Variants in KLHL26 observed in about 807,000 individuals in gnomAD.
KLHL26 encodes the protein kelch like family member 26.
Under a neutral mutation model 7.1 loss-of-function variants are expected in KLHL26, and 4 were observed. That is an observed-to-expected ratio of 0.56 (90% confidence interval 0.28 to 1.28). The LOEUF (loss-of-function observed/expected upper bound fraction) is 1.28. Ranked by LOEUF, KLHL26 falls within the 50% of genes most tolerant of loss-of-function variation. KLHL26 has a pLI of 0.11. For missense variants in KLHL26, 896 were observed against 924.6 expected (o/e 0.97, Z 0.40); for synonymous variants, 465 against 414.1 (o/e 1.12, Z -1.49).
Position 18,669,303 on chromosome 19 carries a change from C to A in KLHL26, c.*58C>A, listed in dbSNP as rs761914011. On this transcript the variant is annotated 3_prime_UTR_variant, in exon 3 of 3. Transcript: ENST00000300976. The stretch of plus-strand genomic sequence containing the variant: ...CATGTTGTCTCCAAGTGGGGCTTGG[C>A]GAATGCACGTCTGCCTGAGAACCCC... 8.7e-6 allele frequency: 12 copies of A among 1,386,896 alleles called. No homozygotes were observed. The African/African-American group carries it at 1.3e-4, about 15-fold the overall frequency. The allele number at this position is 1,386,896 out of a possible 1,614,324, so 85.9% of individuals were successfully genotyped here. A position where few individuals can be genotyped will look rare whatever the true frequency, so the allele number is the denominator to read the frequency against.
chr19:18,671,364 C>G lies in KLHL26; in HGVS notation c.*2119C>G, dbSNP rs978640034. ...AAAAGCCGAGTTCCCTGGGGACTTA[C>G]CAGAACATTCCAGCCCCACCCCCGA... On this transcript the variant is annotated 3_prime_UTR_variant, in exon 3 of 3. Coordinates refer to ENST00000300976, the MANE Select transcript of KLHL26 (RefSeq NM_018316.3). 1 of 152,276 alleles carries G rather than the reference C, an allele frequency of 6.6e-6. No homozygotes were observed. The highest frequency in any genetic ancestry group is 2.4e-5 in the African/African-American group (1 of 41,450). The allele number at this position is 152,276 out of a possible 1,614,324, so 9.4% of individuals were successfully genotyped here. A position where few individuals can be genotyped will look rare whatever the true frequency, so the allele number is the denominator to read the frequency against.
chr19:18,650,323 G>A lies in KLHL26; in HGVS notation c.83+13186G>A, dbSNP rs1261537305. On this transcript the variant is annotated intron_variant, in intron 1 of 2. Coordinates refer to ENST00000300976, the MANE Select transcript of KLHL26 (RefSeq NM_018316.3). The surrounding 1 kb of genome is among the most constrained non-coding windows in gnomAD (Gnocchi z 4.2). ...TCGTCTGAGAGCGGGACATTTTCCC[G>A]GAGCGGGGTGGAAGGAGTGTCAAGG... 3.9e-5 allele frequency among the ~76,000 whole-genome samples: 6 copies of A among 152,190 alleles called. No homozygotes were observed. The highest frequency in any genetic ancestry group is 1.3e-4 in the Admixed American group (2 of 15,274).
chr19:18,651,616 G>C (rs139213337), intron 1 of KLHL26, among the ~76,000 whole-genome samples: 141 of 152,394 alleles, frequency 9.3e-4, no homozygotes, highest in African/African-American at 3.2e-3. Flanking sequence ...TGGAGTGCCT[G>C]CATCTGGCCT....
chr19:18,665,435 G>C (rs192730791), intron 2 of KLHL26, among the ~76,000 whole-genome samples: 104 of 152,360 alleles, frequency 6.8e-4, no homozygotes, highest in African/African-American at 2.2e-3. Flanking sequence ...ACAGTGAAAT[G>C]GGCACAAGCC....
intron 1 of KLHL26, among the ~76,000 whole-genome samples, chr19:18,653,018 T>G (rs1011398866): frequency 6.6e-6 from 1 of 152,162 alleles, no homozygotes; most frequent in African/African-American, 2.4e-5. Context: ...CTTTGGCCAG[T>G]GCACAGGTGC....
chr19:18,644,943 G>A (rs760470361), intron 1 of KLHL26, among the ~76,000 whole-genome samples: 1 of 151,816 alleles, frequency 6.6e-6, no homozygotes, highest in South Asian at 2.1e-4. Flanking sequence ...CGCCCCCAAC[G>A]TTATATAACT....
chr19:18,655,401 C>T (rs992840710), intron 1 of KLHL26, among the ~76,000 whole-genome samples: 1 of 152,216 alleles, frequency 6.6e-6, no homozygotes, highest in Non-Finnish European at 1.5e-5. Context: ...GGGGAGAGGT[C>T]GACCAGCACC....
Position 18,669,395 on chromosome 19 carries a change from T to C in KLHL26, c.*150T>C. On this transcript the variant is annotated 3_prime_UTR_variant, in exon 3 of 3. Transcript: ENST00000300976. ...CGTTGATAAGCCCCCCTCCCAGGGG[T>C]CCCTCCCTCCCTCCTTCCCAAAGCA... The C allele has an allele frequency of 1.6e-6, 1 of 613,844 alleles. No homozygotes were observed. Among genetic ancestry groups the C allele is most frequent in the Non-Finnish European group, 2.9e-6 (1 of 350,150 alleles). The allele number at this position is 613,844 out of a possible 1,614,324, so 38.0% of individuals were successfully genotyped here. A position where few individuals can be genotyped will look rare whatever the true frequency, so the allele number is the denominator to read the frequency against.
At chr19:18,660,549 C>G (rs1046822046) in intron 1 of KLHL26, among the ~76,000 whole-genome samples, 1 of 152,212 alleles carries the variant, frequency 6.6e-6, no homozygotes, top group Non-Finnish European at 1.5e-5. Context: ...CTGGACCAGC[C>G]TGAGTAATGG....
In KLHL26 at chr19:18,646,128, T is replaced by C. The variant is rs570590499; in HGVS notation, c.83+8991T>C. Among the ~76,000 whole-genome samples, 14 of 152,172 alleles carry C rather than the reference T, an allele frequency of 9.2e-5. No homozygotes were observed. The highest frequency in any genetic ancestry group is 3.4e-4 in the African/African-American group (14 of 41,526). On this transcript the variant is annotated intron_variant, in intron 1 of 2. Coordinates refer to ENST00000300976, the MANE Select transcript of KLHL26 (RefSeq NM_018316.3). The surrounding 1 kb of genome is among the most constrained non-coding windows in gnomAD (Gnocchi z 5.0). ...TTTGGCCTCTTGCCCCTTTCTTTTT[T>C]ATTATTATTAATTTTTTTTGACGTC...
intron 1 of KLHL26, among the ~76,000 whole-genome samples, chr19:18,645,472 T>TG (rs1976785824): frequency 6.6e-6 from 1 of 151,004 alleles, no homozygotes; most frequent in African/African-American, 2.4e-5. Context: ...GGGGGTGAGG[T>TG]GGGGGGATCT....
chr19:18,659,080 TTC>T (rs2052365363), intron 1 of KLHL26, among the ~76,000 whole-genome samples: 1 of 151,320 alleles, frequency 6.6e-6, no homozygotes, highest in East Asian at 1.9e-4. Context: ...GAATCTGTTT[TTC>T]TCTCTCTGGG....
rs997282739 is a variant in KLHL26, at chr19:18,648,502, G to T, written c.83+11365G>T. ...GTGGCCAGTTTCTGCCCTCCCCACC[G>T]GGCAGGCTGAAGGTCAGGGTTGTCC... On this transcript the variant is annotated intron_variant, in intron 1 of 2. Transcript: ENST00000300976. This position sits in a 1 kb window ranked among gnomAD's most constrained non-coding sequence, Gnocchi z 4.9. Among the ~76,000 whole-genome samples the T allele has an allele frequency of 1.3e-5, 2 of 152,176 alleles. No individual in the cohort carries two copies. The highest frequency in any genetic ancestry group is 1.5e-5 in the Non-Finnish European group (1 of 68,040).
chr19:18,655,538 G>A (rs1205594700), intron 1 of KLHL26, among the ~76,000 whole-genome samples: 1 of 152,240 alleles, frequency 6.6e-6, no homozygotes, highest in African/African-American at 2.4e-5. Context: ...AAGATGGGAT[G>A]GTAGCAGTGC....
In KLHL26 at chr19:18,669,299, T is replaced by A; in HGVS notation, c.*54T>A. On this transcript the variant is annotated 3_prime_UTR_variant, in exon 3 of 3. Transcript: ENST00000300976. The stretch of plus-strand genomic sequence containing the variant: ...ACCGCATGTTGTCTCCAAGTGGGGC[T>A]TGGCGAATGCACGTCTGCCTGAGAA... 4 of 1,436,574 alleles carry A rather than the reference T, an allele frequency of 2.8e-6. No homozygotes were observed. Among genetic ancestry groups the A allele is most frequent in the Non-Finnish European group, 3.8e-6 (4 of 1,045,448 alleles). The allele number at this position is 1,436,574 out of a possible 1,614,324, so 89.0% of individuals were successfully genotyped here. A position where few individuals can be genotyped will look rare whatever the true frequency, so the allele number is the denominator to read the frequency against.
chr19:18,654,677 C>A (rs571201109), intron 1 of KLHL26, among the ~76,000 whole-genome samples: 2 of 152,108 alleles, frequency 1.3e-5, no homozygotes, highest in African/African-American at 4.8e-5. Context: ...ATCCACCTAT[C>A]CATCTACCCA....
At chr19:18,640,087 T>G (rs1976686739) in intron 1 of KLHL26, among the ~76,000 whole-genome samples, 1 of 151,504 alleles carries the variant, frequency 6.6e-6, no homozygotes, top group Non-Finnish European at 1.5e-5. Flanking sequence ...CATTAACTGG[T>G]TGATGGACTG....
chr19:18,639,087 A>T (rs959870424), intron 1 of KLHL26, among the ~76,000 whole-genome samples: 1 of 150,994 alleles, frequency 6.6e-6, no homozygotes, highest in Non-Finnish European at 1.5e-5. Flanking sequence ...TTATTTATTT[A>T]TTTTTTGAGA....
chr19:18,651,639 G>A (rs756780309), intron 1 of KLHL26, among the ~76,000 whole-genome samples: 1 of 152,270 alleles, frequency 6.6e-6, no homozygotes, highest in African/African-American at 2.4e-5. Context: ...CTCTGCTGGG[G>A]ATGAGCAGTG....
Sources: gnomAD v4.1 joint callset for allele counts (sites outside exome capture counted in the v4.1 genomes callset) on GRCh38, gnomAD v4.1.1 for gene constraint, Gnocchi (gnomAD v3.1) non-coding constraint, MANE v1.5 for transcripts, NCBI Gene and HGNC (gene_info 2026-07-23, HGNC 2026-07-21) for gene names.